Variants in CPLANE1 observed in about 807,000 individuals in gnomAD.
The protein encoded by CPLANE1 is ciliogenesis and planar polarity effector complex subunit 1, also known as ciliogenesis and planar polarity effector 1.
CPLANE1 carries 263 observed loss-of-function variants against 362.5 expected under a neutral mutation model. The observed-to-expected ratio is 0.73, with a 90% confidence interval of 0.66 to 0.80. The LOEUF (loss-of-function observed/expected upper bound fraction) is 0.80. Ranked by LOEUF, CPLANE1 falls within the 30% of genes least tolerant of loss-of-function variation. The pLI is 0.00. For synonymous variants in CPLANE1, 1,212 were observed against 1,302.6 expected, an observed-to-expected ratio of 0.93 and a Z score of 1.50; for missense variants, 3,461 against 3,793.4, an observed-to-expected ratio of 0.91 and a Z score of 2.30.
chr5:37,176,001 T>A lies in CPLANE1; in HGVS notation c.5901-15A>T. On this transcript the variant is annotated splice_polypyrimidine_tract_variant and intron_variant, in intron 30 of 52. Coordinates refer to ENST00000651892, the MANE Select transcript of CPLANE1 (RefSeq NM_001384732.1). ...CTTCGATCATACTATCAATAAAAAT[T>A]AACAGGTGATTAGTAAGCAAGATAT... is the stretch of plus-strand genomic sequence containing the variant. 6.4e-7 allele frequency: 1 copy of A among 1,556,632 alleles called. No individual in the cohort carries two copies. Among genetic ancestry groups the A allele is most frequent in the Non-Finnish European group, 8.9e-7 (1 of 1,128,504 alleles).
chr5:37,145,364 A>G (rs1771226948), intron 43 of CPLANE1, among the ~76,000 whole-genome samples: 1 of 152,174 alleles, frequency 6.6e-6, no homozygotes, highest in Non-Finnish European at 1.5e-5. Context: ...AATCAGCGCT[A>G]AAAAGGTCTA....
chr5:37,227,040 G>T lies in CPLANE1; in HGVS notation c.1555C>A (p.His519Asn). The change falls in exon 12 of 53, where the codon CAC (histidine) becomes AAC (asparagine). Residue 519 changes from histidine to asparagine, a missense_variant. Around this residue, in one of 2 missense-constraint regions of CPLANE1, gnomAD observed 3,380 missense variants for 3,666.1 expected, o/e 0.92. Transcript: ENST00000651892. ...FEAEETNEGR[H>N]FPDNLCPFWN... ...AAAGGACATAAGTTGTCTGGAAAGT[G>T]TCTGCCTTCGTTAGTTTCTTCTGCT... 3 of 1,547,228 alleles carry T rather than the reference G, an allele frequency of 1.9e-6. No homozygotes were observed. Among genetic ancestry groups the T allele is most frequent in the Non-Finnish European group, 2.6e-6 (3 of 1,145,626 alleles).
At chr5:37,171,014 T>A (rs1779655657) in intron 32 of CPLANE1, among the ~76,000 whole-genome samples, 1 of 152,106 alleles carries the variant, frequency 6.6e-6, no homozygotes, top group Non-Finnish European at 1.5e-5. Flanking sequence ...AGTACACAGG[T>A]GAAGAGCAAG....
intron 52 of CPLANE1, among the ~76,000 whole-genome samples, chr5:37,108,012 G>A (rs1431848396): frequency 6.6e-6 from 1 of 152,172 alleles, no homozygotes; most frequent in African/African-American, 2.4e-5. Flanking sequence ...TGTGAAGACA[G>A]GGCAGAACGG....
At chr5:37,225,041 T>A (rs1239348825) in intron 12 of CPLANE1, among the ~76,000 whole-genome samples, 1 of 146,970 alleles carries the variant, frequency 6.8e-6, no homozygotes, top group African/African-American at 2.5e-5. Context: ...TACCTCAGCC[T>A]CCCGAACAGG....
chr5:37,233,733 C>T (rs1004835908), intron 8 of CPLANE1, among the ~76,000 whole-genome samples: 32 of 151,920 alleles, frequency 2.1e-4, no homozygotes, highest in African/African-American at 5.6e-4. Flanking sequence ...ACCACCACTC[C>T]GACTACTAGT....
In CPLANE1 at chr5:37,158,336, G is replaced by T. The variant is rs2150725321; in HGVS notation, c.7700C>A (p.Pro2567His). ...GACCAAGAGCTGAGGAGCAGTCAAA[G>T]GCTCATGTTCTGAAAATTAAAAAAG... ...ASTNTDPEHE[P>H]LTAPQLLVPD... Residue 2567 changes from proline (P) to histidine (H), a missense_variant, in exon 39 of 53, where the codon CCT becomes CAT. Coordinates refer to ENST00000651892, the MANE Select transcript of CPLANE1 (RefSeq NM_001384732.1). 1 of 1,612,578 alleles carries T rather than the reference G, an allele frequency of 6.2e-7. No homozygotes were observed. Among genetic ancestry groups the T allele is most frequent in the African/African-American group, 1.3e-5 (1 of 74,944 alleles).
At chr5:37,241,463 A>T (rs890836766) in intron 6 of CPLANE1, among the ~76,000 whole-genome samples, 2 of 147,352 alleles carry the variant, frequency 1.4e-5, no homozygotes, top group African/African-American at 5.0e-5. Flanking sequence ...TCAAAAATAA[A>T]TAGATAGATA....
the CPLANE1 span, among the ~76,000 whole-genome samples, chr5:37,083,947 G>T: frequency 9.2e-5 from 14 of 152,256 alleles, no homozygotes; most frequent in African/African-American, 2.6e-4. Flanking sequence ...GAAATTCATC[G>T]CAAAAAGATC....
intron 15 of CPLANE1, among the ~76,000 whole-genome samples, chr5:37,218,673 C>T (rs549255036): frequency 9.9e-5 from 15 of 152,186 alleles, no homozygotes; most frequent in East Asian, 5.8e-4. Context: ...ATGAGCTGGG[C>T]GCGGTGGCTC....
chr5:37,085,410 A>G, the CPLANE1 span: 1 of 1,107,072 alleles, frequency 9.0e-7, no homozygotes, highest in Non-Finnish European at 1.4e-6. Context: ...CGAGGAGGCT[A>G]AGTACAAATT....
In CPLANE1 at chr5:37,215,197, G is replaced by A. The variant is rs575081062; in HGVS notation, c.2747-1465C>T. On this transcript the variant is annotated intron_variant, in intron 15 of 52. Transcript: ENST00000651892. ...CCTGAGTAGCTGGGATTATAGGCAC[G>A]TGCCACCACGCCCGGCTAATTTTGT... Among the ~76,000 whole-genome samples, 5 of 152,024 alleles carry A rather than the reference G, an allele frequency of 3.3e-5. No individual in the cohort carries two copies. In the South Asian group the frequency reaches 6.2e-4, roughly 19 times the overall value.
chr5:37,084,938 C>G, the CPLANE1 span: 2 of 506,718 alleles, frequency 3.9e-6, no homozygotes, highest in Non-Finnish European at 7.1e-6. Flanking sequence ...CAAATGGACA[C>G]CAAAAGTGAG....
At chr5:37,140,477 T>G in intron 44 of CPLANE1, 1 of 984,438 alleles carries the variant, frequency 1.0e-6, no homozygotes, top group Non-Finnish European at 1.2e-6. Flanking sequence ...AATCTAAGAT[T>G]AGCGTAATAG....
At position 37,139,372 on chromosome 5, in the gene CPLANE1, T is replaced by TAA; in HGVS notation, c.8633-4_8633-3dup. On this transcript the variant is annotated splice_polypyrimidine_tract_variant and splice_region_variant and intron_variant, in intron 44 of 52. Coordinates refer to ENST00000651892, the MANE Select transcript of CPLANE1 (RefSeq NM_001384732.1). ...ACAATTCATCACTGCTATTCATACC[T>TAA]AAAAAAAAAATCATTATTAATAAAA... 11 of 1,093,032 alleles carry TAA rather than the reference T, an allele frequency of 1.0e-5. No individual in the cohort carries two copies. The highest frequency in any genetic ancestry group is 1.7e-5 in the South Asian group (1 of 59,068). 67.7% of individuals were successfully genotyped at this position (1,093,032 alleles called of 1,614,324 possible).
intron 50 of CPLANE1, 144 bp from the exon 51 acceptor site, chr5:37,115,193 G>T (rs2149988441): frequency 3.2e-6 from 2 of 617,052 alleles, no homozygotes; most frequent in East Asian, 2.8e-5. Context: ...CCCAGTAAAT[G>T]GTGGCTGGTT....
At chr5:37,100,285 A>AAC in the CPLANE1 span, among the ~76,000 whole-genome samples, 1 of 152,116 alleles carries the variant, frequency 6.6e-6, no homozygotes, top group East Asian at 1.9e-4. Flanking sequence ...TAATTTTTGT[A>AAC]TAAGGTATAA....
chr5:37,153,188 A>G (rs1323447288), intron 42 of CPLANE1, among the ~76,000 whole-genome samples: 2 of 152,180 alleles, frequency 1.3e-5, no homozygotes, highest in Non-Finnish European at 2.9e-5. Flanking sequence ...GAATAGCCCT[A>G]TATCTACAGA....
chr5:37,239,038 A>G lies in CPLANE1; in HGVS notation c.835-78T>C, dbSNP rs1034073607. On this transcript the variant is annotated intron_variant, in intron 7 of 52. Coordinates refer to ENST00000651892, the MANE Select transcript of CPLANE1 (RefSeq NM_001384732.1). ...ATTATTTATAATTCTGGTGACACAG[A>G]GATCTATTATTATATTAATAAACTA... 1.3e-5 allele frequency: 9 copies of G among 694,286 alleles called. No homozygotes were observed. The African/African-American group carries it at 1.6e-4, about 13-fold the overall frequency. The allele number at this position is 694,286 out of a possible 1,614,324, so 43.0% of individuals were successfully genotyped here.
Sources: allele counts gnomAD v4.1 joint callset (sites outside exome capture counted in the v4.1 genomes callset), GRCh38; gene constraint gnomAD v4.1.1; regional missense constraint gnomAD v4.1.1; transcripts MANE v1.5; gene names NCBI Gene and HGNC (gene_info 2026-07-23, HGNC 2026-07-21).